SLC1A2: variants seen among roughly 807,000 people sequenced by gnomAD.
SLC1A2 encodes the protein solute carrier family 1 member 2.
A neutral mutation model predicts 48.8 loss-of-function variants in SLC1A2; 15 were observed. The observed-to-expected ratio is 0.31, with a 90% confidence interval of 0.21 to 0.47. The LOEUF (loss-of-function observed/expected upper bound fraction) is 0.47. Ranked by LOEUF, SLC1A2 falls within the 20% of genes least tolerant of loss-of-function variation. The pLI, the probability that SLC1A2 is intolerant of heterozygous loss-of-function variation, is 0.99. For synonymous variants in SLC1A2, 279 were observed against 272.6 expected, an observed-to-expected ratio of 1.02 and a Z score of -0.23; for missense variants, 502 against 730.5, an observed-to-expected ratio of 0.69 and a Z score of 3.61.
intron 8 of SLC1A2, among the ~76,000 whole-genome samples, chr11:35,284,087 T>TA (rs1850729531): frequency 1.7e-5 from 2 of 115,900 alleles, no homozygotes; most frequent in African/African-American, 6.6e-5. Flanking sequence ...GAAGATTTTA[T>TA]TATATATATA....
At chr11:35,393,856 TAG>T (rs1434304539) in intron 1 of SLC1A2, among the ~76,000 whole-genome samples, 2 of 152,142 alleles carry the variant, frequency 1.3e-5, no homozygotes, top group East Asian at 1.9e-4. Context: ...TGGGAGAGAA[TAG>T]AGACTCCCTT....
chr11:35,315,211 T>C (rs1851835944), intron 2 of SLC1A2, 36 bp from the exon 3 acceptor site: 1 of 1,591,162 alleles, frequency 6.3e-7, no homozygotes, highest in African/African-American at 1.3e-5. Context: ...AATTTATTTT[T>C]TGCCTTCGTC....
intron 1 of SLC1A2, among the ~76,000 whole-genome samples, chr11:35,408,741 T>C (rs10501137): frequency 0.69 from 104,862 of 152,140 alleles, 36,698 homozygotes; most frequent in African/African-American, 0.81. Flanking sequence ...TATCTGACAG[T>C]GAATAGTGAA....
chr11:35,345,573 G>A (rs1181392175), intron 1 of SLC1A2, among the ~76,000 whole-genome samples: 1 of 152,108 alleles, frequency 6.6e-6, no homozygotes, highest in East Asian at 1.9e-4. Flanking sequence ...CAGTGATGGG[G>A]ACAGGCAGAA....
At chr11:35,347,160 A>G (rs1590213392) in intron 1 of SLC1A2, among the ~76,000 whole-genome samples, 1 of 152,352 alleles carries the variant, frequency 6.6e-6, no homozygotes, top group South Asian at 2.1e-4. Flanking sequence ...ACCCTGCAAA[A>G]CAGCCACTTC....
At chr11:35,340,839 T>C (rs543637447) in intron 1 of SLC1A2, among the ~76,000 whole-genome samples, 1 of 152,344 alleles carries the variant, frequency 6.6e-6, no homozygotes, top group Admixed American at 6.5e-5. Context: ...TCTGGACTCT[T>C]ATGTAACAAG....
chr11:35,260,799 C>T lies in SLC1A2; in HGVS notation c.*95G>A. 4.5e-6 allele frequency: 4 copies of T among 894,762 alleles called. No homozygotes were observed. The East Asian group carries it at 9.9e-5, about 22-fold the overall frequency. 55.4% of individuals were successfully genotyped at this position (894,762 alleles called of 1,614,324 possible). A position where few individuals can be genotyped will look rare whatever the true frequency, so the allele number is the denominator to read the frequency against. On this transcript the variant is annotated 3_prime_UTR_variant, in exon 11 of 11. Coordinates refer to ENST00000278379, the MANE Select transcript of SLC1A2 (RefSeq NM_004171.4). ...GATTAAGTAAACATAGAAATATACG[C>T]ATTTTTTTCCTTTTTAAAGAAAGCT...
At chr11:35,328,486 T>G (rs545907765) in intron 1 of SLC1A2, among the ~76,000 whole-genome samples, 1 of 152,296 alleles carries the variant, frequency 6.6e-6, no homozygotes, top group South Asian at 2.1e-4. Flanking sequence ...TCAGCAACTT[T>G]TACTGAAGGA....
chr11:35,362,123 C>CA (rs1853701966), intron 1 of SLC1A2, among the ~76,000 whole-genome samples: 1 of 151,924 alleles, frequency 6.6e-6, no homozygotes, highest in African/African-American at 2.4e-5. Context: ...GAGATCGGGC[C>CA]AGGGGACTCT....
chr11:35,299,041 T>C (rs1028244417), intron 6 of SLC1A2: 8 of 152,238 alleles, frequency 5.3e-5, no homozygotes, highest in Non-Finnish European at 1.2e-4. Flanking sequence ...CTGAAGGACT[T>C]AAAAAATATG....
chr11:35,267,131 G>A (rs1306444963), intron 9 of SLC1A2, among the ~76,000 whole-genome samples: 3 of 152,210 alleles, frequency 2.0e-5, no homozygotes, highest in African/African-American at 4.8e-5. Context: ...TGAAGACTGC[G>A]TCTTGAGGTC....
intron 1 of SLC1A2, among the ~76,000 whole-genome samples, chr11:35,394,703 TG>T (rs1211344922): frequency 6.6e-6 from 1 of 152,040 alleles, no homozygotes; most frequent in Non-Finnish European, 1.5e-5. Context: ...ACCTAGTCAG[TG>T]GGAGTGGCCA....
chr11:35,347,677 T>C (rs183927083), intron 1 of SLC1A2, among the ~76,000 whole-genome samples: 8 of 152,348 alleles, frequency 5.3e-5, no homozygotes, highest in African/African-American at 1.4e-4. Flanking sequence ...GCAGCAGTTG[T>C]ATTTACCTCG....
intron 9 of SLC1A2, among the ~76,000 whole-genome samples, chr11:35,273,048 T>C (rs925075579): frequency 2.0e-5 from 3 of 152,216 alleles, no homozygotes; most frequent in Non-Finnish European, 4.4e-5. Flanking sequence ...TCACCCACAA[T>C]TCATCTGGTG....
chr11:35,326,689 T>G (rs1365329739), intron 1 of SLC1A2, among the ~76,000 whole-genome samples: 1 of 152,192 alleles, frequency 6.6e-6, no homozygotes, highest in Non-Finnish European at 1.5e-5. Context: ...ATTGCAAGAT[T>G]TACCATGGCA....
chr11:35,407,135 T>C (rs944693699), intron 1 of SLC1A2, among the ~76,000 whole-genome samples: 20 of 151,780 alleles, frequency 1.3e-4, no homozygotes, highest in Non-Finnish European at 2.2e-4. Context: ...CAACTCTAGC[T>C]TGCTGACTAA....
intron 1 of SLC1A2, among the ~76,000 whole-genome samples, chr11:35,407,502 C>T (rs1855335331): frequency 6.6e-6 from 1 of 152,204 alleles, no homozygotes; most frequent in South Asian, 2.1e-4. Context: ...CTGCTCTTGC[C>T]TTATCTGCTT....
At chr11:35,329,402 G>A (rs1257881379) in intron 1 of SLC1A2, among the ~76,000 whole-genome samples, 1 of 152,212 alleles carries the variant, frequency 6.6e-6, no homozygotes, top group Non-Finnish European at 1.5e-5. Flanking sequence ...TTCATCGCTT[G>A]TGATAAATGT....
intron 4 of SLC1A2, 35 bp from the exon 5 acceptor site, chr11:35,306,277 G>A: frequency 6.4e-7 from 1 of 1,552,590 alleles, no homozygotes. Flanking sequence ...ATAGAGCTGA[G>A]ATTTGGCCTA....
Sources: allele counts gnomAD v4.1 joint callset (sites outside exome capture counted in the v4.1 genomes callset), GRCh38; gene constraint gnomAD v4.1.1; transcripts MANE v1.5; gene names NCBI Gene and HGNC (gene_info 2026-07-23, HGNC 2026-07-21).